The following NR5A2 variants were observed in gnomAD, a reference collection of about 807,000 sequenced individuals.
NR5A2 encodes nuclear receptor subfamily 5 group A member 2, also known as CYP7A promoter-binding factor.
Under a neutral mutation model 62.7 loss-of-function variants are expected in NR5A2, and 26 were observed. That is an observed-to-expected ratio of 0.41 (90% CI 0.30 to 0.58). The LOEUF (loss-of-function observed/expected upper bound fraction) is 0.58, where lower values mean the gene tolerates loss of function less well. Ranked by LOEUF, NR5A2 falls within the 20% of genes least tolerant of loss-of-function variation. The pLI is 0.22. For synonymous variants in NR5A2, 246 were observed against 241.7 expected (o/e 1.02, Z -0.16); for missense variants, 541 against 669.1 (o/e 0.81, Z 2.11).
intron 6 of NR5A2, among the ~76,000 whole-genome samples, chr1:200,111,541 G>T (rs1272032353): frequency 6.6e-6 from 1 of 152,172 alleles, no homozygotes; most frequent in Non-Finnish European, 1.5e-5. Flanking sequence ...GCTGCTTCCA[G>T]TCTGCTGGGA....
rs185859626 is a variant in NR5A2 at position 200,140,917 on chromosome 1, G to A, written c.1378+19962G>A. 2.0e-5 allele frequency among the ~76,000 whole-genome samples: 3 copies of A among 152,306 alleles called. No homozygotes were observed. In the East Asian group the frequency reaches 5.8e-4, roughly 29 times the overall value. On this transcript the variant is annotated intron_variant, in intron 7 of 7. Transcript: ENST00000367362. The stretch of plus-strand genomic sequence containing the variant: ...ATGGTGGCACATGCCTATAATCCCA[G>A]CTACTTGGAAGGCTGAGGCAGGAGA...
rs375117820 is a variant in NR5A2 at position 200,067,344 on chromosome 1, G to T, written c.1110+18526G>T. On this transcript the variant is annotated intron_variant, in intron 5 of 7. Coordinates refer to ENST00000367362, the MANE Select transcript of NR5A2 (RefSeq NM_205860.3). ...GGCCAAGGCGGGGAGATCACTTGAG[G>T]TTGGGAGTTCAAGACCAGCCTAACC... 1.4e-4 allele frequency among the ~76,000 whole-genome samples: 21 copies of T among 152,318 alleles called. No homozygotes were observed. In the South Asian group the frequency reaches 1.5e-3, roughly 11 times the overall value.
At chr1:200,165,025 C>T (rs1653831970) in intron 7 of NR5A2, among the ~76,000 whole-genome samples, 1 of 151,076 alleles carries the variant, frequency 6.6e-6, no homozygotes, top group African/African-American at 2.4e-5. Context: ...TACAGGCATG[C>T]ACCACCACAC....
chr1:200,066,656 C>T (rs908212935), intron 5 of NR5A2, among the ~76,000 whole-genome samples: 28 of 142,432 alleles, frequency 2.0e-4, no homozygotes, highest in Admixed American at 3.6e-4. Context: ...GGCACGATCT[C>T]GGCTCACAGC....
intron 5 of NR5A2, among the ~76,000 whole-genome samples, chr1:200,096,009 C>A (rs551717127): frequency 3.1e-4 from 47 of 152,284 alleles, no homozygotes; most frequent in African/African-American, 1.1e-3. Flanking sequence ...ATGTGACAGA[C>A]TAATTTTGAA....
intron 1 of NR5A2, chr1:200,038,829 G>A (rs1388412298): frequency 1.8e-6 from 2 of 1,142,194 alleles, no homozygotes; most frequent in Admixed American, 5.3e-5. Context: ...GGTGGGAGGG[G>A]GTGAGGCGGG....
chr1:200,147,980 C>A lies in NR5A2; in HGVS notation c.1379-25983C>A. ...GGTAGGCGATGCATCGGGCGGCCGCCTTGACCTCCTCCCGCGAGCCGAAAA... is the reference window on the plus strand; with the variant it reads ...GGTAGGCGATGCATCGGGCGGCCGCATTGACCTCCTCCCGCGAGCCGAAAA... On this transcript the variant is annotated intron_variant, in intron 7 of 7. Transcript: ENST00000367362. The surrounding 1 kb of genome is among the most constrained non-coding windows in gnomAD (Gnocchi z 4.9). The A allele has an allele frequency of 3.1e-6, 1 of 317,824 alleles. No individual in the cohort carries two copies. The highest frequency in any genetic ancestry group is 4.5e-5 in the South Asian group (1 of 22,130). 19.7% of individuals were successfully genotyped at this position (317,824 alleles called of 1,614,324 possible).
At chr1:200,074,732 A>G (rs1300064282) in intron 5 of NR5A2, among the ~76,000 whole-genome samples, 4 of 119,020 alleles carry the variant, frequency 3.4e-5, no homozygotes, top group Non-Finnish European at 5.4e-5. Flanking sequence ...GCGAGAGTCC[A>G]TCTCAAAAAA....
intron 7 of NR5A2, among the ~76,000 whole-genome samples, chr1:200,156,944 C>T: frequency 6.6e-6 from 1 of 152,098 alleles, no homozygotes; most frequent in East Asian, 1.9e-4. Context: ...TAAGTTGGAG[C>T]ATCTATATTG....
chr1:200,093,076 A>C (rs1269391644), intron 5 of NR5A2, among the ~76,000 whole-genome samples: 5 of 151,718 alleles, frequency 3.3e-5, no homozygotes, highest in African/African-American at 1.2e-4. Flanking sequence ...TTTTTAGTAC[A>C]ATTAGACTTG....
At chr1:200,173,516 G>T (rs1359724816) in intron 7 of NR5A2, among the ~76,000 whole-genome samples, 2 of 152,174 alleles carry the variant, frequency 1.3e-5, no homozygotes, top group African/African-American at 4.8e-5. Context: ...CTTTTTATTA[G>T]AATTAACTAC....
In NR5A2 at chr1:200,039,758, G is replaced by T; in HGVS notation, c.165G>T (p.Ser55=). The T allele has an allele frequency of 1.2e-6, 2 of 1,610,170 alleles. No homozygotes were observed. The highest frequency in any genetic ancestry group is 1.7e-6 in the Non-Finnish European group (2 of 1,178,392). Residue 55 remains serine (S), a synonymous_variant, in exon 2 of 8, where the codon TCG becomes TCT. Coordinates refer to ENST00000367362, the MANE Select transcript of NR5A2 (RefSeq NM_205860.3). This position sits in a 1 kb window ranked among gnomAD's most constrained non-coding sequence, Gnocchi z 5.1. ...VETEALGLAR[S]HGEQGQMPEN... ...CGGAAGCCCTGGGACTGGCTCGATC[G>T]CATGGGGAACAGGGCCAGATGCCGG...
chr1:200,043,636 C>G (rs1228333334), intron 2 of NR5A2, 138 bp from the exon 3 acceptor site: 1 of 548,536 alleles, frequency 1.8e-6, no homozygotes, highest in Non-Finnish European at 3.2e-6. Context: ...TTCAGTAAGA[C>G]CTTGCTAAAA....
intron 7 of NR5A2, chr1:200,148,195 G>A (rs1451408313): frequency 7.2e-6 from 2 of 276,482 alleles, no homozygotes; most frequent in African/African-American, 2.3e-5. Flanking sequence ...CAACCTGTCC[G>A]TTGGGCCTAT....
intron 5 of NR5A2, among the ~76,000 whole-genome samples, chr1:200,054,669 G>T (rs988638950): frequency 5.9e-5 from 9 of 152,108 alleles, no homozygotes; most frequent in South Asian, 2.1e-4. Context: ...TGCTGAAGTT[G>T]GTTTTTAAGT....
At chr1:200,167,918 T>C (rs1653982299) in intron 7 of NR5A2, among the ~76,000 whole-genome samples, 1 of 152,166 alleles carries the variant, frequency 6.6e-6, no homozygotes, top group Admixed American at 6.5e-5. Context: ...TTGAACCCTG[T>C]GTTAGCTGCC....
intron 5 of NR5A2, among the ~76,000 whole-genome samples, chr1:200,090,300 G>A (rs1425509468): frequency 1.3e-5 from 2 of 152,182 alleles, no homozygotes; most frequent in South Asian, 2.1e-4. Context: ...GTCTCAGGAC[G>A]CTTTGCACTT....
intron 1 of NR5A2, among the ~76,000 whole-genome samples, chr1:200,032,680 TA>T (rs1313108276): frequency 1.3e-5 from 2 of 152,202 alleles, no homozygotes; most frequent in African/African-American, 4.8e-5. Context: ...TATATATATA[TA>T]TCCAGCGTAA....
At chr1:200,045,753 T>C (rs1445730056) in intron 4 of NR5A2, among the ~76,000 whole-genome samples, 169 bp downstream of exon 4, 2 of 152,192 alleles carry the variant, frequency 1.3e-5, no homozygotes, top group Non-Finnish European at 2.9e-5. Context: ...GAGTCTCATT[T>C]AATCATGGTG....
Sources: gnomAD v4.1 joint callset for allele counts (sites outside exome capture counted in the v4.1 genomes callset) on GRCh38, gnomAD v4.1.1 for gene constraint, Gnocchi (gnomAD v3.1) non-coding constraint, MANE v1.5 for transcripts, NCBI Gene and HGNC (gene_info 2026-07-23, HGNC 2026-07-21) for gene names.